Variants in ASTN2 observed in about 807,000 individuals in gnomAD.
ASTN2 encodes astrotactin-2.
ASTN2 carries 54 observed loss-of-function variants against 139.8 expected under a neutral mutation model. That is an observed-to-expected ratio of 0.39 (90% CI 0.31 to 0.48). ASTN2 has a LOEUF of 0.48. Ranked by LOEUF, ASTN2 falls within the 20% of genes least tolerant of loss-of-function variation. The pLI is 0.95. For missense variants in ASTN2, 1,565 were observed against 1,725.1 expected (o/e 0.91, Z 1.64); for synonymous variants, 756 against 719.5 (o/e 1.05, Z -0.81).
chr9:116,632,144 G>GAGAGAC (rs1554723243), intron 17 of ASTN2, among the ~76,000 whole-genome samples: 1 of 76,778 alleles, frequency 1.3e-5, no homozygotes, highest in East Asian at 9.2e-4. Context: ...GAGAGAGAGA[G>GAGAGAC]AGAGAGAGAG....
chr9:116,818,347 T>C (rs941236770), intron 12 of ASTN2, among the ~76,000 whole-genome samples: 2 of 152,238 alleles, frequency 1.3e-5, no homozygotes, highest in Admixed American at 6.5e-5. Flanking sequence ...CACTTCTCTC[T>C]GGACCATCTC....
intron 2 of ASTN2, among the ~76,000 whole-genome samples, chr9:117,289,900 G>T (rs1400056747): frequency 1.3e-5 from 2 of 152,160 alleles, no homozygotes; most frequent in Non-Finnish European, 1.5e-5. Flanking sequence ...TAACATTGCT[G>T]TCTGGCTGGG....
chr9:116,874,299 G>C (rs1294790087), intron 10 of ASTN2, among the ~76,000 whole-genome samples: 2 of 151,944 alleles, frequency 1.3e-5, no homozygotes, highest in Non-Finnish European at 2.9e-5. Flanking sequence ...ATATATTGCT[G>C]TTCAGAGTGG....
At chr9:117,043,258 A>C (rs1310859807) in intron 5 of ASTN2, among the ~76,000 whole-genome samples, 3 of 152,096 alleles carry the variant, frequency 2.0e-5, no homozygotes, top group Non-Finnish European at 4.4e-5. Context: ...AATGCTTGGG[A>C]AGATGAGACA....
chr9:117,372,449 C>T (rs1830014134), intron 1 of ASTN2, among the ~76,000 whole-genome samples: 1 of 152,146 alleles, frequency 6.6e-6, no homozygotes, highest in South Asian at 2.1e-4. Context: ...TTTCCATAAT[C>T]ACAAGCTAGA....
chr9:116,954,893 G>A lies in ASTN2; in HGVS notation c.1889+20315C>T, dbSNP rs148541670. The stretch of plus-strand genomic sequence containing the variant: ...CTGTAGGCCCCAACCCAGACCTACT[G>A]AACCAGAAAACCTGGAGGTGAGCCC... On this transcript the variant is annotated intron_variant, in intron 10 of 22. Transcript: ENST00000313400. Among the ~76,000 whole-genome samples the A allele has an allele frequency of 1.7e-4, 26 of 152,310 alleles. No homozygotes were observed. In the East Asian group the frequency reaches 4.8e-3, roughly 28 times the overall value.
At chr9:116,642,238 G>C (rs903744113) in intron 17 of ASTN2, among the ~76,000 whole-genome samples, 1 of 150,234 alleles carries the variant, frequency 6.7e-6, no homozygotes, top group Non-Finnish European at 1.5e-5. Flanking sequence ...TTGATCCACT[G>C]AGACACTCTG....
intron 13 of ASTN2, among the ~76,000 whole-genome samples, chr9:116,738,455 T>C (rs1004655307): frequency 1.1e-4 from 17 of 151,478 alleles, no homozygotes; most frequent in South Asian, 4.2e-4. Flanking sequence ...GAGCTGAGAT[T>C]GCGCTGAGAC....
chr9:117,169,871 G>A (rs1411051262), intron 3 of ASTN2, among the ~76,000 whole-genome samples: 1 of 152,124 alleles, frequency 6.6e-6, no homozygotes, highest in Non-Finnish European at 1.5e-5. Context: ...AACTCTAAGA[G>A]AAAGTGCCTC....
intron 15 of ASTN2, among the ~76,000 whole-genome samples, chr9:116,726,745 C>G (rs188068061): frequency 6.6e-6 from 1 of 150,690 alleles, no homozygotes; most frequent in East Asian, 1.9e-4. Flanking sequence ...GGGGCCTGCA[C>G]AGCAGTCACT....
At chr9:116,748,018 C>T (rs1829293713) in intron 13 of ASTN2, among the ~76,000 whole-genome samples, 1 of 152,170 alleles carries the variant, frequency 6.6e-6, no homozygotes, top group African/African-American at 2.4e-5. Context: ...TGAGAACAAG[C>T]TGAGCTGCTG....
At chr9:116,745,465 A>G (rs1431943850) in intron 13 of ASTN2, among the ~76,000 whole-genome samples, 1 of 152,112 alleles carries the variant, frequency 6.6e-6, no homozygotes, top group Non-Finnish European at 1.5e-5. Flanking sequence ...TTTGGAAGCA[A>G]TATCCTTCTG....
chr9:116,830,822 A>C (rs1239380337), intron 11 of ASTN2, among the ~76,000 whole-genome samples: 1 of 152,000 alleles, frequency 6.6e-6, no homozygotes, highest in African/African-American at 2.4e-5. Context: ...GAAGAAAAAA[A>C]GAAAGATACC....
At chr9:117,135,717 G>A (rs1268760011) in intron 4 of ASTN2, among the ~76,000 whole-genome samples, 5 of 152,184 alleles carry the variant, frequency 3.3e-5, no homozygotes, top group Admixed American at 6.5e-5. Context: ...GCTGGGCTGC[G>A]GCTGCGGTAG....
chr9:116,467,594 T>A (rs1181148182), intron 20 of ASTN2, among the ~76,000 whole-genome samples: 1 of 152,226 alleles, frequency 6.6e-6, no homozygotes, highest in Non-Finnish European at 1.5e-5. Flanking sequence ...TCATTTGAAC[T>A]CCTGGATTCA....
intron 19 of ASTN2, among the ~76,000 whole-genome samples, chr9:116,548,720 G>A (rs4837616): frequency 6.6e-6 from 1 of 151,960 alleles, no homozygotes; most frequent in African/African-American, 2.4e-5. Context: ...GTGATCCACC[G>A]GCCTCAGCCT....
intron 19 of ASTN2, among the ~76,000 whole-genome samples, chr9:116,543,437 CA>C (rs889238650): frequency 0.017 from 2,050 of 121,748 alleles, 29 homozygotes; most frequent in Admixed American, 0.063. Flanking sequence ...CACCCTGTCT[CA>C]AAAAAAAAAA....
chr9:116,769,923 T>G (rs1170457388), intron 13 of ASTN2, among the ~76,000 whole-genome samples: 1 of 151,832 alleles, frequency 6.6e-6, no homozygotes, highest in Non-Finnish European at 1.5e-5. Context: ...TGGGGTGCCT[T>G]TAATTTCAGC....
intron 13 of ASTN2, among the ~76,000 whole-genome samples, chr9:116,771,321 A>AT (rs5900227): frequency 0.89 from 134,796 of 152,132 alleles, 60,696 homozygotes; most frequent in East Asian, 1. Flanking sequence ...CCATGTTCCC[A>AT]TTTTTCAGCT....
Sources: gnomAD v4.1 joint callset for allele counts (sites outside exome capture counted in the v4.1 genomes callset) on GRCh38, gnomAD v4.1.1 for gene constraint, MANE v1.5 for transcripts, NCBI Gene and HGNC (gene_info 2026-07-23, HGNC 2026-07-21) for gene names.